Variants in AKR1C8 observed in about 807,000 individuals in gnomAD.
AKR1C8 encodes the protein aldo-keto reductase family 1 member C8.
At chr10:5,140,112 A>G in the AKR1C8 span, among the ~76,000 whole-genome samples, 16 of 152,202 alleles carry the variant, frequency 1.1e-4, no homozygotes, top group African/African-American at 3.9e-4. Flanking sequence ...ATCTCACACC[A>G]GTTAGAATGA....
At chr10:5,136,095 T>G in the AKR1C8 span, among the ~76,000 whole-genome samples, 1 of 152,190 alleles carries the variant, frequency 6.6e-6, no homozygotes, top group Non-Finnish European at 1.5e-5. Context: ...TATAAGAAAC[T>G]ATCAAAGGTA....
the AKR1C8 span, among the ~76,000 whole-genome samples, chr10:5,127,173 C>G: frequency 6.6e-6 from 1 of 151,994 alleles, no homozygotes; most frequent in Non-Finnish European, 1.5e-5. Flanking sequence ...TATTAAGCTA[C>G]TCAACAAGAT....
the AKR1C8 span, among the ~76,000 whole-genome samples, chr10:5,147,194 A>G: frequency 6.6e-6 from 1 of 152,154 alleles, no homozygotes; most frequent in African/African-American, 2.4e-5. Context: ...ACAAGCAGCC[A>G]TCAAGAAAAG....
chr10:5,162,341 G>A, the AKR1C8 span, among the ~76,000 whole-genome samples: 2 of 152,120 alleles, frequency 1.3e-5, no homozygotes, highest in Non-Finnish European at 2.9e-5. Context: ...GAATTATTCT[G>A]AGAGACCTAC....
chr10:5,122,719 G>T, the AKR1C8 span, among the ~76,000 whole-genome samples: 1 of 152,122 alleles, frequency 6.6e-6, no homozygotes, highest in African/African-American at 2.4e-5. Flanking sequence ...AAACACAGCT[G>T]CAAATAGACA....
chr10:5,157,247 C>A, the AKR1C8 span, among the ~76,000 whole-genome samples: 1 of 152,058 alleles, frequency 6.6e-6, no homozygotes, highest in Non-Finnish European at 1.5e-5. Flanking sequence ...CCTGGGGTGT[C>A]CCAGTAGTTT....
the AKR1C8 span, among the ~76,000 whole-genome samples, chr10:5,166,608 C>T: frequency 2.6e-5 from 4 of 152,106 alleles, no homozygotes; most frequent in Non-Finnish European, 5.9e-5. Flanking sequence ...AAACTGGATC[C>T]CTTCCTTACA....
At chr10:5,143,735 C>A in the AKR1C8 span, among the ~76,000 whole-genome samples, 5 of 146,684 alleles carry the variant, frequency 3.4e-5, no homozygotes, top group South Asian at 1.1e-3. Context: ...TATATAATAT[C>A]TATATATTTA....
At chr10:5,150,351 A>C in the AKR1C8 span, among the ~76,000 whole-genome samples, 7 of 152,068 alleles carry the variant, frequency 4.6e-5, no homozygotes, top group African/African-American at 1.4e-4. Flanking sequence ...CAATTGACAA[A>C]GGAATATTTT....
the AKR1C8 span, among the ~76,000 whole-genome samples, chr10:5,115,924 C>T: frequency 6.6e-6 from 1 of 152,068 alleles, no homozygotes; most frequent in Non-Finnish European, 1.5e-5. Context: ...ATGGTCATAG[C>T]CAGTATTGAT....
At chr10:5,177,615 CT>C in the AKR1C8 span, among the ~76,000 whole-genome samples, 2 of 152,080 alleles carry the variant, frequency 1.3e-5, no homozygotes, top group South Asian at 2.1e-4. Context: ...GTCCTGGACT[CT>C]TTTTGGTTAG....
the AKR1C8 span, among the ~76,000 whole-genome samples, chr10:5,179,419 C>T: frequency 6.6e-6 from 1 of 152,072 alleles, no homozygotes; most frequent in Non-Finnish European, 1.5e-5. Context: ...ACATTTTTTC[C>T]TTCATTTCAA....
At chr10:5,163,045 T>C in the AKR1C8 span, 1 of 518,628 alleles carries the variant, frequency 1.9e-6, no homozygotes, top group Admixed American at 2.0e-5. Flanking sequence ...TAAAGAGTTG[T>C]TGATCTGCCC....
chr10:5,179,806 CCTTGGCTTTCAGCTCCT>C, the AKR1C8 span, among the ~76,000 whole-genome samples: 3 of 152,192 alleles, frequency 2.0e-5, no homozygotes, highest in African/African-American at 7.2e-5. Context: ...AGTTCTCAAG[CCTTGGCTTTCAGCTCCT>C]TCAGCTCCTT....
the AKR1C8 span, among the ~76,000 whole-genome samples, chr10:5,179,025 T>C: frequency 6.6e-6 from 1 of 152,204 alleles, no homozygotes; most frequent in African/African-American, 2.4e-5. Flanking sequence ...GTCATTATGA[T>C]GTTAGCTGGT....
At chr10:5,158,214 G>C in the AKR1C8 span, among the ~76,000 whole-genome samples, 2 of 152,126 alleles carry the variant, frequency 1.3e-5, no homozygotes, top group African/African-American at 2.4e-5. Context: ...CTAGCAATGA[G>C]AAGTTATTGT....
At chr10:5,175,819 GGGTT>G in the AKR1C8 span, among the ~76,000 whole-genome samples, 1 of 137,310 alleles carries the variant, frequency 7.3e-6, no homozygotes, top group South Asian at 2.2e-4. Context: ...CTTTTTGATG[GGGTT>G]GTTTGTTTTT....
the AKR1C8 span, among the ~76,000 whole-genome samples, chr10:5,167,779 A>C: frequency 2.8e-5 from 1 of 36,094 alleles, no homozygotes; most frequent in South Asian, 4.9e-4. Flanking sequence ...TAAGTATAAC[A>C]AAAAAAAGAC....
the AKR1C8 span, among the ~76,000 whole-genome samples, chr10:5,176,650 T>A: frequency 6.6e-6 from 1 of 152,232 alleles, no homozygotes; most frequent in Middle Eastern, 3.4e-3. Flanking sequence ...CTCTTTTATT[T>A]CCTTAAGCAG....
Sources: gnomAD v4.1 joint callset for allele counts (sites outside exome capture counted in the v4.1 genomes callset) on GRCh38, gnomAD v4.1.1 for gene constraint, MANE v1.5 for transcripts, NCBI Gene and HGNC (gene_info 2026-07-23, HGNC 2026-07-21) for gene names.